Variants in CNTNAP5 observed in about 807,000 individuals in gnomAD.
CNTNAP5 encodes the protein contactin associated protein family member 5.
In CNTNAP5, 72 loss-of-function variants were observed where a neutral mutation model predicts 150.2. The ratio of observed to expected loss-of-function variants is 0.48; its 90% confidence interval spans 0.40 to 0.58. The LOEUF is 0.58. Among genes scored for constraint, CNTNAP5 ranks in the 20% least tolerant of loss-of-function variants. The pLI, the probability that CNTNAP5 is intolerant of heterozygous loss-of-function variation, is 0.00. For missense variants in CNTNAP5, 1,636 were observed against 1,626.2 expected, an observed-to-expected ratio of 1.01 and a Z score of -0.10; for synonymous variants, 672 against 619.8, an observed-to-expected ratio of 1.08 and a Z score of -1.25.
chr2:124,607,384 T>C (rs1677264059), intron 11 of CNTNAP5, among the ~76,000 whole-genome samples: 1 of 152,152 alleles, frequency 6.6e-6, no homozygotes, highest in African/African-American at 2.4e-5. Flanking sequence ...CCTTGTTACA[T>C]TGGAGTTGGC....
rs530184171 is a variant in CNTNAP5 at position 124,805,720 on chromosome 2, T to G, written c.3217+7400T>G. 5.3e-5 allele frequency among the ~76,000 whole-genome samples: 8 copies of G among 152,340 alleles called. No homozygotes were observed. The East Asian group carries it at 1.4e-3, about 26-fold the overall frequency. On this transcript the variant is annotated intron_variant, in intron 19 of 23. Coordinates refer to ENST00000682447, the MANE Select transcript of CNTNAP5 (RefSeq NM_001367498.1). The stretch of plus-strand genomic sequence containing the variant: ...GAATGACATAAACAACAACAATTTA[T>G]TTTCTAACAGTTCTAGAGACTGGAA...
chr2:124,745,063 G>A (rs962017723), intron 13 of CNTNAP5, among the ~76,000 whole-genome samples: 6 of 151,986 alleles, frequency 3.9e-5, no homozygotes, highest in Admixed American at 6.6e-5. Context: ...AGGCCAAAGC[G>A]GTGCAAGATG....
chr2:124,602,187 CA>C (rs1345774415), intron 11 of CNTNAP5, among the ~76,000 whole-genome samples: 5 of 151,686 alleles, frequency 3.3e-5, no homozygotes, highest in Non-Finnish European at 7.4e-5. Flanking sequence ...ATGAAAAATA[CA>C]AAAAGTAGCT....
At chr2:124,333,315 A>G (rs1441172199) in intron 3 of CNTNAP5, among the ~76,000 whole-genome samples, 3 of 152,098 alleles carry the variant, frequency 2.0e-5, no homozygotes, top group Non-Finnish European at 4.4e-5. Flanking sequence ...CAAAAAAACA[A>G]AATAAAAGGA....
chr2:124,181,276 G>T (rs750165056), intron 1 of CNTNAP5, among the ~76,000 whole-genome samples: 1 of 152,020 alleles, frequency 6.6e-6, no homozygotes, highest in Non-Finnish European at 1.5e-5. Context: ...ATTAATTAAA[G>T]TATGTAAGAA....
At chr2:124,252,166 T>C (rs1687196453) in intron 3 of CNTNAP5, among the ~76,000 whole-genome samples, 1 of 152,156 alleles carries the variant, frequency 6.6e-6, no homozygotes, top group Admixed American at 6.5e-5. Context: ...TGTGTTTATA[T>C]GTGAGGGCTA....
chr2:124,051,234 TAA>T (rs754592492), intron 1 of CNTNAP5, among the ~76,000 whole-genome samples: 1 of 152,054 alleles, frequency 6.6e-6, no homozygotes, highest in Non-Finnish European at 1.5e-5. Context: ...TTCTCAGAGA[TAA>T]AAAGAAAATG....
chr2:124,859,432 G>C (rs7587001), intron 19 of CNTNAP5, among the ~76,000 whole-genome samples: 4,688 of 152,272 alleles, frequency 0.031, 233 homozygotes, highest in African/African-American at 0.11. Flanking sequence ...AGGATGTGGA[G>C]AAATAGGAAC....
chr2:124,409,007 A>T (rs1355028120), intron 3 of CNTNAP5, among the ~76,000 whole-genome samples: 5 of 140,236 alleles, frequency 3.6e-5, no homozygotes, highest in Admixed American at 2.2e-4. Context: ...AGAAGAATGT[A>T]TAACTAGAAT....
At chr2:124,462,986 A>C (rs1036623799) in intron 6 of CNTNAP5, among the ~76,000 whole-genome samples, 1 of 152,164 alleles carries the variant, frequency 6.6e-6, no homozygotes, top group African/African-American at 2.4e-5. Context: ...GAGGCAGGAA[A>C]CTGGGTGTTG....
intron 8 of CNTNAP5, among the ~76,000 whole-genome samples, chr2:124,509,323 A>G (rs1694499016): frequency 6.6e-6 from 1 of 152,220 alleles, no homozygotes; most frequent in African/African-American, 2.4e-5. Context: ...GATGAAGGAC[A>G]ACAGTGGAAT....
intron 1 of CNTNAP5, among the ~76,000 whole-genome samples, chr2:124,076,916 C>G (rs988831886): frequency 6.6e-6 from 1 of 152,014 alleles, no homozygotes; most frequent in African/African-American, 2.4e-5. Context: ...AAAAACAGCT[C>G]CATCATCTGC....
intron 12 of CNTNAP5, among the ~76,000 whole-genome samples, chr2:124,645,934 T>C (rs1678193217): frequency 6.6e-6 from 1 of 151,972 alleles, no homozygotes; most frequent in African/African-American, 2.4e-5. Flanking sequence ...GAAGGTGCCA[T>C]GCACTTTAAA....
At chr2:124,801,930 T>A (rs1269259007) in intron 19 of CNTNAP5, among the ~76,000 whole-genome samples, 1 of 152,192 alleles carries the variant, frequency 6.6e-6, no homozygotes, top group Non-Finnish European at 1.5e-5. Context: ...GGTTATTTAT[T>A]ATCTGTGAGA....
chr2:124,467,379 G>C (rs1268099759), intron 6 of CNTNAP5, among the ~76,000 whole-genome samples: 4 of 152,138 alleles, frequency 2.6e-5, no homozygotes, highest in Admixed American at 2.0e-4. Flanking sequence ...AACTAAGCAG[G>C]AGACTAGCTT....
intron 13 of CNTNAP5, among the ~76,000 whole-genome samples, chr2:124,655,989 A>G (rs1254829451): frequency 2.0e-5 from 3 of 149,730 alleles, no homozygotes; most frequent in Non-Finnish European, 3.0e-5. Context: ...GAAAGAAAGA[A>G]AGAAAGAAAA....
intron 16 of CNTNAP5, among the ~76,000 whole-genome samples, chr2:124,772,109 TACC>T (rs1316989009): frequency 6.6e-6 from 1 of 150,876 alleles, no homozygotes; most frequent in Non-Finnish European, 1.5e-5. Context: ...ACCACAGCAC[TACC>T]ACCACCACCA....
At chr2:124,406,430 A>G (rs995384372) in intron 3 of CNTNAP5, among the ~76,000 whole-genome samples, 1 of 152,118 alleles carries the variant, frequency 6.6e-6, no homozygotes, top group Non-Finnish European at 1.5e-5. Context: ...TTTTGTTCGC[A>G]TATATTTTCC....
intron 19 of CNTNAP5, among the ~76,000 whole-genome samples, chr2:124,857,199 C>T (rs867301770): frequency 1.3e-5 from 2 of 152,080 alleles, no homozygotes; most frequent in Admixed American, 6.6e-5. Flanking sequence ...TGCAGCTCTA[C>T]ATTTTTTTTT....
Sources: allele counts gnomAD v4.1 joint callset (sites outside exome capture counted in the v4.1 genomes callset), GRCh38; gene constraint gnomAD v4.1.1; transcripts MANE v1.5; gene names NCBI Gene and HGNC (gene_info 2026-07-23, HGNC 2026-07-21).